Variants in TMEM178B observed in about 807,000 individuals in gnomAD.
The protein encoded by TMEM178B is transmembrane protein 178B.
In TMEM178B, 5 loss-of-function variants were observed where a neutral mutation model predicts 31.0. The ratio of observed to expected loss-of-function variants is 0.16; its 90% CI spans 0.08 to 0.34. The LOEUF (loss-of-function observed/expected upper bound fraction) is 0.34, where lower values mean the gene tolerates loss of function less well. Ranked by LOEUF, TMEM178B falls within the 10% of genes least tolerant of loss-of-function variation. The pLI, the probability that TMEM178B is intolerant of heterozygous loss-of-function variation, is 1.00. For synonymous variants in TMEM178B, 164 were observed against 164.0 expected, an observed-to-expected ratio of 1.00 and a Z score of 0.00; for missense variants, 275 against 400.3, an observed-to-expected ratio of 0.69 and a Z score of 2.67.
chr7:141,278,807 G>A (rs1798309115), intron 2 of TMEM178B, among the ~76,000 whole-genome samples: 1 of 152,140 alleles, frequency 6.6e-6, no homozygotes, highest in Non-Finnish European at 1.5e-5. Context: ...CTGGAAAAGA[G>A]AGGACTGAAG....
At chr7:141,444,856 C>T (rs1011314998) in intron 3 of TMEM178B, among the ~76,000 whole-genome samples, 1 of 151,976 alleles carries the variant, frequency 6.6e-6, no homozygotes. Context: ...GGCCCCACAG[C>T]CCCTGCTTCT....
chr7:141,240,179 T>C (rs2129193210), intron 2 of TMEM178B, among the ~76,000 whole-genome samples: 1 of 152,302 alleles, frequency 6.6e-6, no homozygotes, highest in South Asian at 2.1e-4. Context: ...GGCTACTGTA[T>C]TGGATAGTTC....
At chr7:141,493,387 C>G in the TMEM178B span, among the ~76,000 whole-genome samples, 1 of 152,204 alleles carries the variant, frequency 6.6e-6, no homozygotes, top group Non-Finnish European at 1.5e-5. Flanking sequence ...GAAATGCAAC[C>G]TCTTCAAACC....
At chr7:141,276,688 G>A (rs545788224) in intron 2 of TMEM178B, among the ~76,000 whole-genome samples, 3 of 152,170 alleles carry the variant, frequency 2.0e-5, no homozygotes, top group South Asian at 4.2e-4. Context: ...GATTTGGGTG[G>A]GGACACAGCC....
chr7:141,144,107 C>T (rs10274420), intron 1 of TMEM178B, among the ~76,000 whole-genome samples: 9,258 of 152,176 alleles, frequency 0.061, 949 homozygotes, highest in African/African-American at 0.21. Flanking sequence ...TTTAGCAGTT[C>T]CAGGAGCCTT....
intron 2 of TMEM178B, among the ~76,000 whole-genome samples, chr7:141,246,220 A>G (rs1797727752): frequency 6.6e-6 from 1 of 152,206 alleles, no homozygotes; most frequent in Non-Finnish European, 1.5e-5. Context: ...GTTCATCTCT[A>G]TGGAGCCATG....
At chr7:141,495,423 A>G in the TMEM178B span, among the ~76,000 whole-genome samples, 1 of 152,346 alleles carries the variant, frequency 6.6e-6, no homozygotes, top group Non-Finnish European at 1.5e-5. Flanking sequence ...AGACATTTTT[A>G]GTTTCCTCAA....
intron 1 of TMEM178B, among the ~76,000 whole-genome samples, chr7:141,187,623 T>C (rs756397049): frequency 7.2e-5 from 11 of 152,268 alleles, no homozygotes; most frequent in Non-Finnish European, 1.6e-4. Context: ...AACTTTTTCA[T>C]GATCGCCATT....
chr7:141,221,080 G>T (rs768502991), intron 2 of TMEM178B, among the ~76,000 whole-genome samples: 1 of 152,114 alleles, frequency 6.6e-6, no homozygotes, highest in Non-Finnish European at 1.5e-5. Context: ...AATCAGCAAG[G>T]ATTCATTGCA....
At chr7:141,155,767 AT>A (rs1464171409) in intron 1 of TMEM178B, among the ~76,000 whole-genome samples, 1 of 152,184 alleles carries the variant, frequency 6.6e-6, no homozygotes, top group Non-Finnish European at 1.5e-5. Flanking sequence ...GGCATCAGGC[AT>A]CTTAACAAAT....
At chr7:141,147,546 G>A (rs1190742406) in intron 1 of TMEM178B, among the ~76,000 whole-genome samples, 1 of 152,218 alleles carries the variant, frequency 6.6e-6, no homozygotes, top group Non-Finnish European at 1.5e-5. Flanking sequence ...TGGAAATCAA[G>A]GCAAGCGATG....
intron 2 of TMEM178B, among the ~76,000 whole-genome samples, chr7:141,247,254 GT>G (rs2129194761): frequency 6.6e-6 from 1 of 151,778 alleles, no homozygotes; most frequent in East Asian, 1.9e-4. Flanking sequence ...ATATGGCTAT[GT>G]AGATATAGAT....
At chr7:141,389,078 G>C (rs1235247123) in intron 2 of TMEM178B, among the ~76,000 whole-genome samples, 1 of 152,090 alleles carries the variant, frequency 6.6e-6, no homozygotes, top group African/African-American at 2.4e-5. Context: ...TAGGAACTGG[G>C]CCTTTTTGGG....
chr7:141,337,335 C>T (rs1175812343), intron 2 of TMEM178B, among the ~76,000 whole-genome samples: 3 of 149,558 alleles, frequency 2.0e-5, no homozygotes, highest in Admixed American at 6.7e-5. Context: ...TCACCATCAC[C>T]ATCACTACCA....
chr7:141,151,545 G>A (rs1345644161), intron 1 of TMEM178B, among the ~76,000 whole-genome samples: 1 of 152,144 alleles, frequency 6.6e-6, no homozygotes. Flanking sequence ...GGATGGGCTC[G>A]GTGGATCCTG....
intron 2 of TMEM178B, among the ~76,000 whole-genome samples, chr7:141,301,507 A>G (rs1771301287): frequency 6.6e-6 from 1 of 152,148 alleles, no homozygotes; most frequent in African/African-American, 2.4e-5. Context: ...CAAAACCAGC[A>G]ACATGTTCTC....
At chr7:141,172,945 C>T (rs1586808592) in intron 1 of TMEM178B, 1 of 152,178 alleles carries the variant, frequency 6.6e-6, no homozygotes, top group South Asian at 2.1e-4. Flanking sequence ...CAGAATATCA[C>T]TGTTGAAGTC....
At chr7:141,125,217 A>C (rs1409933812) in intron 1 of TMEM178B, among the ~76,000 whole-genome samples, 3 of 152,252 alleles carry the variant, frequency 2.0e-5, no homozygotes, top group African/African-American at 7.2e-5. Flanking sequence ...GACATTAACA[A>C]AAATTCCCAA....
rs759465994 is a variant in TMEM178B, at chr7:141,344,584, CT to C, written c.497-93022del. Among the ~76,000 whole-genome samples, 8 of 122,242 alleles carry C rather than the reference CT, an allele frequency of 6.5e-5. No individual in the cohort carries two copies. The highest frequency in any genetic ancestry group is 2.4e-4 in the African/African-American group (7 of 29,634). The allele number at this position is 122,242 out of a possible 152,430, so 80.2% of individuals were successfully genotyped here. A position where few individuals can be genotyped will look rare whatever the true frequency, so the allele number is the denominator to read the frequency against. ...CCATTCCTCCCTCCTCCCTTCCTTC[CT>C]TCCTTCCTTCCTTCCTTCCTTCCTT... On this transcript the variant is annotated intron_variant, in intron 2 of 3. Transcript: ENST00000565468. This position sits in a 1 kb window ranked among gnomAD's most constrained non-coding sequence, Gnocchi z 4.1.
Sources: gnomAD v4.1 joint callset for allele counts (sites outside exome capture counted in the v4.1 genomes callset) on GRCh38, gnomAD v4.1.1 for gene constraint, Gnocchi (gnomAD v3.1) non-coding constraint, MANE v1.5 for transcripts, NCBI Gene and HGNC (gene_info 2026-07-23, HGNC 2026-07-21) for gene names.